Variants in FRAS1 observed in about 807,000 individuals in gnomAD.
FRAS1 encodes the protein Fraser extracellular matrix complex subunit 1.
FRAS1 carries 290 observed loss-of-function variants against 435.2 expected under a neutral mutation model. The ratio of observed to expected loss-of-function variants is 0.67; its 90% CI spans 0.61 to 0.73. The LOEUF is 0.73. FRAS1 is among the 30% of genes least tolerant of loss of function. FRAS1 has a pLI of 0.00. For missense variants in FRAS1, 4,860 were observed against 5,001.5 expected, an observed-to-expected ratio of 0.97 and a Z score of 0.85; for synonymous variants, 1,800 against 1,851.0, an observed-to-expected ratio of 0.97 and a Z score of 0.71.
chr4:78,445,808 T>C lies in FRAS1; in HGVS notation c.5856+96T>C, dbSNP rs762281405. On this transcript the variant is annotated intron_variant, in intron 42 of 73. Transcript: ENST00000512123. ...TATAGGGACTCAAAAGCAAAGAAGA[T>C]TGGATTTGACCTTCAAAATTGAAGG... The C allele has an allele frequency of 1.7e-5, 25 of 1,457,628 alleles. No individual in the cohort carries two copies. In the South Asian group the frequency reaches 4.1e-4, roughly 24 times the overall value. 90.3% of individuals were successfully genotyped at this position (1,457,628 alleles called of 1,614,324 possible).
chr4:78,113,298 G>C (rs764843871), intron 2 of FRAS1, among the ~76,000 whole-genome samples: 4 of 152,286 alleles, frequency 2.6e-5, no homozygotes, highest in East Asian at 3.9e-4. Flanking sequence ...AAGTGTGCAC[G>C]TGTCTTTATA....
At chr4:78,180,801 T>C in intron 2 of FRAS1, 1 of 1,185,220 alleles carries the variant, frequency 8.4e-7, no homozygotes, top group East Asian at 2.4e-5. Flanking sequence ...TTGGAATCCT[T>C]AAGCATGCAA....
rs182652779 is a variant in FRAS1 at position 78,445,581 on chromosome 4, G to A, written c.5725G>A (p.Val1909Ile). 606 of 1,612,788 alleles carry A rather than the reference G, an allele frequency of 3.8e-4. 1 individual carries two copies. Among genetic ancestry groups the A allele is most frequent in the Non-Finnish European group, 3.6e-4 (426 of 1,179,244 alleles). The change falls in exon 42 of 74, where the codon GTC becomes ATC. Residue 1909 changes from valine (V) to isoleucine (I), a missense_variant. Transcript: ENST00000512123. ...AGAGGCATCATTTCCTATTCAAGAC[G>A]TCCTGGAAAACTACATTTACTACTT... is the stretch of plus-strand genomic sequence containing the variant. ...DLEASFPIQDVLENYIYYFQS... is the reference protein window; with the variant it reads ...DLEASFPIQDILENYIYYFQS...
intron 20 of FRAS1, among the ~76,000 whole-genome samples, chr4:78,340,435 A>C (rs955745488): frequency 3.3e-5 from 5 of 152,236 alleles, no homozygotes; most frequent in East Asian, 1.9e-4. Context: ...CTTTTTCACT[A>C]AATGTATGAC....
chr4:78,384,062 A>G lies in FRAS1; in HGVS notation c.3567A>G (p.Lys1189=), dbSNP rs778818485. ...RFVHSKEKLR[K]GYLFLKISDQ... is the part of the protein sequence containing the mutation. ...CCTTTCTTTGGGACTTCTTTAGGAA[A>G]GGTTACCTTTTCCTGAAAATTAGTG... is the stretch of plus-strand genomic sequence containing the variant. Residue 1189 remains lysine (K), a synonymous_variant, in exon 28 of 74, where the codon AAA becomes AAG. Coordinates refer to ENST00000512123, the MANE Select transcript of FRAS1 (RefSeq NM_025074.7). The G allele has an allele frequency of 5.6e-5, 90 of 1,605,626 alleles. No individual in the cohort carries two copies. The highest frequency in any genetic ancestry group is 6.8e-5 in the Non-Finnish European group (80 of 1,176,186).
chr4:78,209,770 C>T (rs899408271), intron 2 of FRAS1, among the ~76,000 whole-genome samples: 2 of 152,218 alleles, frequency 1.3e-5, no homozygotes, highest in Non-Finnish European at 2.9e-5. Context: ...CATATTGAAA[C>T]TGACCTTTGA....
chr4:78,437,962 G>A (rs1734493732), intron 38 of FRAS1, among the ~76,000 whole-genome samples: 2 of 138,306 alleles, frequency 1.4e-5, no homozygotes, highest in Admixed American at 1.5e-4. Flanking sequence ...GGCATCTTGG[G>A]AAGTGAACAT....
intron 15 of FRAS1, among the ~76,000 whole-genome samples, chr4:78,310,643 T>A (rs183194253): frequency 6.6e-6 from 1 of 152,324 alleles, no homozygotes; most frequent in East Asian, 1.9e-4. Context: ...TACACAAAAC[T>A]GGAGCTTACG....
chr4:78,065,081 T>TATATATATATATACACACACACAC (rs762909923), intron 1 of FRAS1, among the ~76,000 whole-genome samples: 210 of 125,652 alleles, frequency 1.7e-3, no homozygotes, highest in African/African-American at 6.0e-3. Context: ...TATATATATA[T>TATATATATATATACACACACACAC]ATACATACAC....
intron 13 of FRAS1, among the ~76,000 whole-genome samples, chr4:78,286,081 G>C (rs1727581520): frequency 6.6e-6 from 1 of 152,130 alleles, no homozygotes; most frequent in South Asian, 2.1e-4. Flanking sequence ...AAACTGCTTG[G>C]TTTCAAATGC....
chr4:78,484,516 G>GT (rs1340930689), intron 58 of FRAS1, among the ~76,000 whole-genome samples: 6 of 152,196 alleles, frequency 3.9e-5, no homozygotes, highest in African/African-American at 1.4e-4. Flanking sequence ...TATTTTTAGT[G>GT]TTGTATCTAA....
intron 63 of FRAS1, among the ~76,000 whole-genome samples, chr4:78,509,514 A>G (rs74455594): frequency 0.14 from 21,963 of 152,112 alleles, 1,913 homozygotes; most frequent in Non-Finnish European, 0.21. Flanking sequence ...TGGCCAGGAC[A>G]TCGATGGCAC....
At chr4:78,374,357 GAAAGCCCAGAGGGCTTAGCCT>G in intron 25 of FRAS1, 106 bp downstream of exon 25, 1 of 1,188,448 alleles carries the variant, frequency 8.4e-7, no homozygotes, top group South Asian at 1.9e-5. Flanking sequence ...AAAGCAGAAT[GAAAGCCCAGAGGGCTTAGCCT>G]AAGTAATTGA....
At chr4:78,540,251 G>T (rs980073715) in intron 73 of FRAS1, among the ~76,000 whole-genome samples, 2 of 152,132 alleles carry the variant, frequency 1.3e-5, no homozygotes, top group African/African-American at 4.8e-5. Flanking sequence ...CATTCACTTA[G>T]CTAAAGAGAC....
intron 2 of FRAS1, among the ~76,000 whole-genome samples, chr4:78,210,314 C>T (rs543695978): frequency 6.6e-6 from 1 of 152,344 alleles, no homozygotes; most frequent in South Asian, 2.1e-4. Flanking sequence ...CTAAGCCACT[C>T]ATACCTTGGT....
chr4:78,158,806 T>A (rs1203879285), intron 2 of FRAS1, among the ~76,000 whole-genome samples: 4 of 152,234 alleles, frequency 2.6e-5, no homozygotes, highest in Non-Finnish European at 4.4e-5. Context: ...TAGGCTGATC[T>A]TGGATTCTCT....
At chr4:78,128,669 A>G (rs1022858014) in intron 2 of FRAS1, among the ~76,000 whole-genome samples, 1 of 152,026 alleles carries the variant, frequency 6.6e-6, no homozygotes, top group Non-Finnish European at 1.5e-5. Flanking sequence ...TTGTCAGATG[A>G]GTAGATTGCA....
intron 2 of FRAS1, among the ~76,000 whole-genome samples, chr4:78,092,262 T>C (rs980520126): frequency 1.3e-5 from 2 of 152,118 alleles, no homozygotes; most frequent in Non-Finnish European, 2.9e-5. Context: ...GTAGGCTGGA[T>C]TGTGGTCAGG....
chr4:78,366,118 G>A (rs1270906877), intron 22 of FRAS1, among the ~76,000 whole-genome samples: 5 of 152,152 alleles, frequency 3.3e-5, no homozygotes, highest in Admixed American at 1.3e-4. Context: ...ATTGAAGGAA[G>A]TAAGGACTGG....
Sources: allele counts gnomAD v4.1 joint callset (sites outside exome capture counted in the v4.1 genomes callset), GRCh38; gene constraint gnomAD v4.1.1; transcripts MANE v1.5; gene names NCBI Gene and HGNC (gene_info 2026-07-23, HGNC 2026-07-21).